Variants in MYOM2 observed in about 807,000 individuals in gnomAD.
The protein encoded by MYOM2 is myomesin-2.
MYOM2 carries 254 observed loss-of-function variants against 187.6 expected under a neutral mutation model. That is an observed-to-expected ratio of 1.35 (90% CI 1.22 to 1.50). MYOM2 has a LOEUF of 1.50. MYOM2 is among the 40% of genes most tolerant of loss of function. MYOM2 has a pLI of 0.00. For missense variants in MYOM2, 2,796 were observed against 1,924.0 expected, an observed-to-expected ratio of 1.45 and a Z score of -8.48; for synonymous variants, 981 against 753.8, an observed-to-expected ratio of 1.30 and a Z score of -4.94.
rs767563473 is a variant in MYOM2 at position 2,106,541 on chromosome 8, C to A, written c.2942C>A (p.Ser981Tyr). 8.1e-5 allele frequency: 131 copies of A among 1,612,492 alleles called. 1 individual carries two copies. In the South Asian group the frequency reaches 1.4e-3, roughly 17 times the overall value. The change falls in exon 23 of 37, where the codon TCC becomes TAC. Residue 981 changes from serine (S) to tyrosine (Y), a missense_variant. Ser to Tyr is a moderately radical substitution (Grantham distance 144). Coordinates refer to ENST00000262113, the MANE Select transcript of MYOM2 (RefSeq NM_003970.4). ...GATAAGGAGGATTTAGGGACTTACT[C>A]CGTGTCTGTAAGTGATACAGACGGA... ...NPDKEDLGTY[S>Y]VSVSDTDGVS...
chr8:2,047,275 C>T (rs546352066), intron 1 of MYOM2, among the ~76,000 whole-genome samples: 7 of 152,264 alleles, frequency 4.6e-5, no homozygotes, highest in African/African-American at 9.6e-5. Flanking sequence ...TCATCACACC[C>T]GGCCAGGAGG....
chr8:2,066,581 A>C (rs992031560), intron 6 of MYOM2, among the ~76,000 whole-genome samples: 1 of 152,226 alleles, frequency 6.6e-6, no homozygotes, highest in Non-Finnish European at 1.5e-5. Flanking sequence ...CAAAGTAAAC[A>C]AACAAACAAA....
chr8:2,067,736 C>T (rs957613665), intron 6 of MYOM2, among the ~76,000 whole-genome samples: 5 of 130,704 alleles, frequency 3.8e-5, no homozygotes, highest in African/African-American at 1.4e-4. Context: ...CCTGGCTATT[C>T]CTAAGTCATG....
chr8:2,144,675 G>C lies in MYOM2; in HGVS notation c.4092G>C (p.Leu1364=), dbSNP rs1355815616. The C allele has an allele frequency of 1.2e-6, 2 of 1,613,776 alleles. No homozygotes were observed. Among genetic ancestry groups the C allele is most frequent in the Non-Finnish European group, 1.7e-6 (2 of 1,179,988 alleles). Residue 1364 remains leucine (L), a synonymous_variant, in exon 37 of 37, where the codon CTG becomes CTC. Transcript: ENST00000262113. ...VTIMEGKTLN[L]TCTVFGNPDP... is the part of the protein sequence containing the mutation. Reference sequence around the variant, plus strand: ...TCTTCCGTCCAAAGACCTTGAATCTGACCTGCACGGTGTTTGGAAACCCTG... The same window carrying C: ...TCTTCCGTCCAAAGACCTTGAATCTCACCTGCACGGTGTTTGGAAACCCTG...
chr8:2,119,411 C>A (rs1797350989), intron 28 of MYOM2: 1 of 152,586 alleles, frequency 6.6e-6, no homozygotes, highest in African/African-American at 2.4e-5. Context: ...TTGGTGGCCT[C>A]TGGCAGGGAG....
Position 2,144,912 on chromosome 8 carries a change from G to T in MYOM2, c.4329G>T (p.Pro1443=). The change falls in exon 37 of 37, where the codon CCG becomes CCT. Residue 1443 remains proline (P), a synonymous_variant. Coordinates refer to ENST00000262113, the MANE Select transcript of MYOM2 (RefSeq NM_003970.4). ...TGTACAAACACGGGGAGAAGATCCC[G>T]GACATGGCCCCGCCCCAGCAAGCCA... The part of the protein sequence containing the change: ...VSVYKHGEKI[P]DMAPPQQAKP... 6.2e-7 allele frequency: 1 copy of T among 1,614,124 alleles called. No homozygotes were observed. Among genetic ancestry groups the T allele is most frequent in the Non-Finnish European group, 8.5e-7 (1 of 1,180,020 alleles).
At chr8:2,076,570 G>A (rs1404833264) in intron 11 of MYOM2, 1 of 387,558 alleles carries the variant, frequency 2.6e-6, no homozygotes, top group Non-Finnish European at 4.7e-6. Context: ...GGCTCACTCT[G>A]AGCCCCGCGC....
intron 32 of MYOM2, among the ~76,000 whole-genome samples, chr8:2,137,240 G>GGATGAGCTCACACAGGGT (rs1563082677): frequency 6.6e-6 from 1 of 151,904 alleles, no homozygotes; most frequent in South Asian, 2.1e-4. Context: ...ATGTGTGGGA[G>GGATGAGCTCACACAGGGT]GATGAGCTCA....
At chr8:2,143,258 A>G in intron 35 of MYOM2, 143 bp from the exon 36 acceptor site, 2 of 927,478 alleles carry the variant, frequency 2.2e-6, no homozygotes, top group African/African-American at 3.3e-5. Flanking sequence ...TAAACATATA[A>G]ACCTTTTTCT....
intron 13 of MYOM2, among the ~76,000 whole-genome samples, chr8:2,081,388 C>A (rs1264097940): frequency 1.3e-5 from 2 of 149,416 alleles, no homozygotes; most frequent in Admixed American, 1.3e-4. Flanking sequence ...TTCTGGCCTG[C>A]GGGAGGAACA....
chr8:2,117,791 G>A (rs1203934437), intron 27 of MYOM2, 94 bp from the exon 28 acceptor site: 3 of 743,116 alleles, frequency 4.0e-6, no homozygotes, highest in East Asian at 2.7e-5. Flanking sequence ...TACACACCAT[G>A]CATATATGTG....
In MYOM2 at chr8:2,145,059, G is replaced by T; in HGVS notation, c.*78G>T. The T allele has an allele frequency of 6.7e-7, 1 of 1,502,172 alleles. No homozygotes were observed. Among genetic ancestry groups the T allele is most frequent in the African/African-American group, 1.4e-5 (1 of 71,012 alleles). The allele number at this position is 1,502,172 out of a possible 1,614,324, so 93.1% of individuals were successfully genotyped here. On this transcript the variant is annotated 3_prime_UTR_variant, in exon 37 of 37. Transcript: ENST00000262113. ...GCTGTGTGCTTGTTCCAAATGAGCA[G>T]CTGGCATCCGAGTGGTGTCCTGTGT...
chr8:2,126,719 G>C, intron 31 of MYOM2, among the ~76,000 whole-genome samples: 1 of 144,510 alleles, frequency 6.9e-6, no homozygotes, highest in East Asian at 2.2e-4. Context: ...GGTGAGCACT[G>C]GGGGAGGCTG....
chr8:2,127,288 G>T (rs1045964010), intron 31 of MYOM2, among the ~76,000 whole-genome samples: 1 of 152,118 alleles, frequency 6.6e-6, no homozygotes, highest in East Asian at 1.9e-4. Flanking sequence ...GGAGATGGTG[G>T]TCAGGGATCT....
chr8:2,144,363 T>C (rs992041974), intron 36 of MYOM2, among the ~76,000 whole-genome samples: 1 of 152,234 alleles, frequency 6.6e-6, no homozygotes, highest in African/African-American at 2.4e-5. Context: ...ACATAGAGCT[T>C]AATTAAATTA....
intron 21 of MYOM2, among the ~76,000 whole-genome samples, chr8:2,103,859 G>T (rs1487233471): frequency 6.6e-6 from 1 of 152,098 alleles, no homozygotes; most frequent in African/African-American, 2.4e-5. Context: ...GTGTATGTAT[G>T]TACAGGTATA....
intron 36 of MYOM2, among the ~76,000 whole-genome samples, chr8:2,143,660 A>G (rs1798357421): frequency 6.6e-6 from 1 of 152,162 alleles, no homozygotes; most frequent in Non-Finnish European, 1.5e-5. Flanking sequence ...AAGGAATCAC[A>G]TAACATTCCG....
At chr8:2,077,452 TTTTG>T (rs765485680) in intron 11 of MYOM2, among the ~76,000 whole-genome samples, 77 of 152,318 alleles carry the variant, frequency 5.1e-4, no homozygotes, top group East Asian at 1.3e-3. Context: ...GGGAATTGGC[TTTTG>T]TTTGTTTGTT....
At chr8:2,046,450 G>C (rs1254380660) in intron 1 of MYOM2, among the ~76,000 whole-genome samples, 1 of 152,178 alleles carries the variant, frequency 6.6e-6, no homozygotes, top group African/African-American at 2.4e-5. Context: ...GCTGGCGCCT[G>C]GGTTCGGCCG....
Sources: gnomAD v4.1 joint callset for allele counts (sites outside exome capture counted in the v4.1 genomes callset) on GRCh38, gnomAD v4.1.1 for gene constraint, MANE v1.5 for transcripts, NCBI Gene and HGNC (gene_info 2026-07-23, HGNC 2026-07-21) for gene names.